Variants in SCLT1 observed in about 807,000 individuals in gnomAD.
SCLT1 encodes the protein sodium channel and clathrin linker 1, also known as sodium channel-associated protein 1.
SCLT1 carries 78 observed loss-of-function variants against 112.8 expected under a neutral mutation model. The ratio of observed to expected loss-of-function variants is 0.69; its 90% CI spans 0.58 to 0.83. The LOEUF is 0.83. Among genes scored for constraint, SCLT1 ranks in the 40% least tolerant of loss-of-function variants. The pLI, the probability that SCLT1 is intolerant of heterozygous loss-of-function variation, is 0.00. For missense variants in SCLT1, 747 were observed against 770.4 expected, an observed-to-expected ratio of 0.97 and a Z score of 0.36; for synonymous variants, 257 against 254.7, an observed-to-expected ratio of 1.01 and a Z score of -0.09.
In SCLT1 at chr4:128,915,671, G is replaced by T. The variant is rs149013945; in HGVS notation, c.1829+20984C>A. ...AGAAAGGATCAAAACTGGAAGAAGA[G>T]TTTGGCCTAGAAAAGAAACAATAAT... On this transcript the variant is annotated intron_variant, in intron 18 of 20. Coordinates refer to ENST00000281142, the MANE Select transcript of SCLT1 (RefSeq NM_144643.4). Among the ~76,000 whole-genome samples the T allele has an allele frequency of 1.5e-3, 235 of 152,298 alleles. 2 individuals are homozygous for T. Among genetic ancestry groups the T allele is most frequent in the East Asian group, 0.013 (70 of 5,186 alleles).
At chr4:129,000,913 G>A (rs1263363143) in intron 6 of SCLT1, among the ~76,000 whole-genome samples, 1 of 150,764 alleles carries the variant, frequency 6.6e-6, no homozygotes, top group Non-Finnish European at 1.5e-5. Context: ...ATTTCCTCGT[G>A]TTCCTAACAC....
At chr4:129,011,359 G>C (rs897731585) in intron 5 of SCLT1, among the ~76,000 whole-genome samples, 1 of 152,054 alleles carries the variant, frequency 6.6e-6, no homozygotes, top group African/African-American at 2.4e-5. Flanking sequence ...TGTTCATCAG[G>C]GATATTGGCC....
At position 129,053,557 on chromosome 4, in the gene SCLT1, A is replaced by ATTTTTTTTTTTTTTTTTTTTTTTTTT. The variant is rs528905688; in HGVS notation, c.103-9532_103-9507dup. ...TTAGAGACTAGGATTGCAATCCCTG[A>ATTTTTTTTTTTTTTTTTTTTTTTTTT]TTTTTTTTTTTTTTTTTTTTTTTTT... On this transcript the variant is annotated intron_variant, in intron 2 of 20. Coordinates refer to ENST00000281142, the MANE Select transcript of SCLT1 (RefSeq NM_144643.4). 2.4e-4 allele frequency among the ~76,000 whole-genome samples: 11 copies of ATTTTTTTTTTTTTTTTTTTTTTTTTT among 45,238 alleles called. 3 individuals carry two copies. The highest frequency in any genetic ancestry group is 3.1e-4 in the Non-Finnish European group (8 of 25,852). 29.7% of individuals were successfully genotyped at this position (45,238 alleles called of 152,430 possible). A position where few individuals can be genotyped will look rare whatever the true frequency, so the allele number is the denominator to read the frequency against.
At chr4:129,028,862 C>A (rs1435213128) in intron 5 of SCLT1, among the ~76,000 whole-genome samples, 2 of 151,854 alleles carry the variant, frequency 1.3e-5, no homozygotes, top group African/African-American at 4.8e-5. Flanking sequence ...AAAAAGTGGG[C>A]AAAGGACATG....
chr4:128,897,371 A>T (rs201217615), intron 18 of SCLT1, among the ~76,000 whole-genome samples: 2 of 152,058 alleles, frequency 1.3e-5, no homozygotes, highest in African/African-American at 4.8e-5. Context: ...CCAATATTCA[A>T]TATTCTTAAA....
chr4:129,081,528 G>A (rs1192552346), intron 2 of SCLT1, among the ~76,000 whole-genome samples: 1 of 152,202 alleles, frequency 6.6e-6, no homozygotes, highest in Non-Finnish European at 1.5e-5. Context: ...AGGGGAAGCA[G>A]GAATGTCTTA....
At chr4:128,954,629 A>G (rs1263215153) in intron 13 of SCLT1, among the ~76,000 whole-genome samples, 2 of 152,164 alleles carry the variant, frequency 1.3e-5, no homozygotes, top group African/African-American at 4.8e-5. Flanking sequence ...TTTAAAGGTT[A>G]TAATTTGATG....
intron 5 of SCLT1, among the ~76,000 whole-genome samples, chr4:129,008,716 G>A (rs1183440040): frequency 6.6e-6 from 1 of 151,866 alleles, no homozygotes; most frequent in Non-Finnish European, 1.5e-5. Context: ...TGTTATATAG[G>A]TAAGCTTGTG....
rs1225641598 is a variant in SCLT1, at chr4:128,921,461, AGACCAATG to A, written c.1829+15186_1829+15193del. ...GGTACTGGTAAAAAATAAGACACATAGACCAATGGAACAGAATAGACAGCCCAGAAATA... is the reference window on the plus strand; with the variant it reads ...GGTACTGGTAAAAAATAAGACACATAGAACAGAATAGACAGCCCAGAAATA... On this transcript the variant is annotated intron_variant, in intron 18 of 20. Coordinates refer to ENST00000281142, the MANE Select transcript of SCLT1 (RefSeq NM_144643.4). Among the ~76,000 whole-genome samples, 9 of 152,306 alleles carry A rather than the reference AGACCAATG, an allele frequency of 5.9e-5. No individual in the cohort carries two copies. In the South Asian group the frequency reaches 8.3e-4, roughly 14 times the overall value.
chr4:129,018,120 T>C (rs943218358), intron 5 of SCLT1, among the ~76,000 whole-genome samples: 6 of 152,380 alleles, frequency 3.9e-5, no homozygotes, highest in African/African-American at 1.2e-4. Context: ...TCTACAGCCA[T>C]ACTACGCTTC....
At chr4:129,087,568 G>C (rs1032495881) in intron 1 of SCLT1, among the ~76,000 whole-genome samples, 1 of 151,584 alleles carries the variant, frequency 6.6e-6, no homozygotes, top group Non-Finnish European at 1.5e-5. Context: ...GTGACAAAGG[G>C]AGACCCGGCT....
At chr4:128,874,043 A>T (rs1019538041) in intron 5 of SCLT1, 8 of 152,616 alleles carry the variant, frequency 5.2e-5, no homozygotes, top group African/African-American at 1.9e-4. Context: ...AGATTGACTG[A>T]CTATTTTTGA....
In SCLT1 at chr4:129,082,343, T is replaced by C. The variant is rs1752014293; in HGVS notation, c.65A>G (p.Tyr22Cys). 1 of 1,594,782 alleles carries C rather than the reference T, an allele frequency of 6.3e-7. No homozygotes were observed. Among genetic ancestry groups the C allele is most frequent in the Non-Finnish European group, 8.6e-7 (1 of 1,166,994 alleles). ...NRRLNEDFRRYQMESFSKYSS... is the reference protein window; with the variant it reads ...NRRLNEDFRRCQMESFSKYSS... ...ATATTTGGAAAAACTTTCCATTTGA[T>C]ACCGCCTAAAATCTTCATTTAGTCT... Residue 22 changes from tyrosine (Y) to cysteine (C), a missense_variant, in exon 2 of 21, where the codon TAT becomes TGT. By Grantham distance (194) the Tyr-to-Cys change is radical (BLOSUM62 -2). Transcript: ENST00000281142.
chr4:129,002,906 C>T (rs1743644414), intron 6 of SCLT1, among the ~76,000 whole-genome samples: 2 of 152,088 alleles, frequency 1.3e-5, no homozygotes, highest in African/African-American at 4.8e-5. Context: ...ACTAGAAATA[C>T]CATTTGATCC....
intron 2 of SCLT1, among the ~76,000 whole-genome samples, chr4:129,056,744 T>C (rs1168316001): frequency 6.6e-6 from 1 of 152,220 alleles, no homozygotes; most frequent in African/African-American, 2.4e-5. Context: ...GTGGAGGTTT[T>C]ACATGTTCCT....
intron 2 of SCLT1, among the ~76,000 whole-genome samples, chr4:129,067,861 A>G (rs1229274603): frequency 6.6e-6 from 1 of 151,132 alleles, no homozygotes; most frequent in African/African-American, 2.4e-5. Context: ...TTATTTCTAC[A>G]GGTTGCTGGG....
rs78391584 is a variant in SCLT1, at chr4:129,005,287, A to G, written c.291-1411T>C. Among the ~76,000 whole-genome samples, 568 of 152,302 alleles carry G rather than the reference A, an allele frequency of 3.7e-3. 1 individual carries two copies. The highest frequency in any genetic ancestry group is 0.011 in the African/African-American group (471 of 41,574). ...CTTATCAATTATCCTAATCCTTTAA[A>G]TTGATTGTAAAATGAAATGAAAAAA... On this transcript the variant is annotated intron_variant, in intron 5 of 20. Transcript: ENST00000281142.
At chr4:129,083,877 T>A (rs1752172646) in intron 1 of SCLT1, among the ~76,000 whole-genome samples, 1 of 151,880 alleles carries the variant, frequency 6.6e-6, no homozygotes, top group South Asian at 2.1e-4. Context: ...GAAAGCCAAG[T>A]GGAGTAAATA....
chr4:128,896,516 C>G (rs149611851), intron 18 of SCLT1, among the ~76,000 whole-genome samples: 1 of 152,284 alleles, frequency 6.6e-6, no homozygotes, highest in Non-Finnish European at 1.5e-5. Context: ...CACCAAAACC[C>G]CATCTGCACG....
Sources: gnomAD v4.1 joint callset for allele counts (sites outside exome capture counted in the v4.1 genomes callset) on GRCh38, gnomAD v4.1.1 for gene constraint, MANE v1.5 for transcripts, NCBI Gene and HGNC (gene_info 2026-07-23, HGNC 2026-07-21) for gene names.